The following JADE3 variants were observed in gnomAD, a reference collection of about 807,000 sequenced individuals.
JADE3 encodes protein Jade-3.
In JADE3, 2 loss-of-function variants were observed where a neutral mutation model predicts 50.1. That is an observed-to-expected ratio of 0.04 (90% CI 0.02 to 0.13). The LOEUF (loss-of-function observed/expected upper bound fraction) is 0.13. Ranked by LOEUF, JADE3 falls within the 10% of genes least tolerant of loss-of-function variation. The probability of loss-of-function intolerance (pLI) is 1.00; values close to 1 mark genes in which losing one functional copy is unlikely to be tolerated. For missense variants in JADE3, 475 were observed against 634.4 expected (o/e 0.75, Z 2.70); for synonymous variants, 218 against 232.9 (o/e 0.94, Z 0.58).
intron 4 of JADE3, among the ~76,000 whole-genome samples, chrX:47,018,585 C>T (rs1025231585): frequency 1.8e-5 from 2 of 112,032 alleles, no homozygotes; most frequent in Admixed American, 9.5e-5. Flanking sequence ...CCACCCGCCT[C>T]GGCCTCCCAA....
chrX:47,019,004 C>G (rs1928736807), intron 4 of JADE3, among the ~76,000 whole-genome samples: 1 of 112,046 alleles, frequency 8.9e-6, no homozygotes, highest in Non-Finnish European at 1.9e-5. Context: ...ACAACCTCAG[C>G]ATAGTCAGAT....
chrX:47,023,948 G>A (rs1928851988), intron 4 of JADE3, among the ~76,000 whole-genome samples: 1 of 112,292 alleles, frequency 8.9e-6, no homozygotes, highest in South Asian at 3.7e-4. Context: ...GTAATAGCCT[G>A]AGATCACCAT....
rs782611848 is a variant in JADE3 at position 46,952,855 on chromosome X, G to A, written c.-11-32029G>A. Among the ~76,000 whole-genome samples the A allele has an allele frequency of 5.4e-5, 6 of 111,024 alleles. No individual in the cohort carries two copies. The East Asian group carries it at 8.5e-4, about 16-fold the overall frequency. On this transcript the variant is annotated intron_variant, in intron 1 of 10. Transcript: ENST00000614628. ...TCTACTGAAAATATAAAATTTAGCC[G>A]GGCATGGTGGTGTGTGCCTGTAATC...
At chrX:47,057,042 G>A (rs1349206822) in intron 10 of JADE3, among the ~76,000 whole-genome samples, 1 of 112,016 alleles carries the variant, frequency 8.9e-6, no homozygotes, top group Non-Finnish European at 1.9e-5. Flanking sequence ...GCAGGAGGCA[G>A]CAAGACTGCT....
intron 1 of JADE3, among the ~76,000 whole-genome samples, chrX:46,956,287 A>G (rs1927113093): frequency 9.1e-6 from 1 of 110,356 alleles, no homozygotes; most frequent in Non-Finnish European, 1.9e-5. Context: ...CTGGCCTTGA[A>G]CTCGTGACCT....
At chrX:47,002,805 T>C (rs1373548691) in intron 4 of JADE3, among the ~76,000 whole-genome samples, 1 of 111,768 alleles carries the variant, frequency 8.9e-6, no homozygotes, top group Non-Finnish European at 1.9e-5. Context: ...TCTTGCCTTA[T>C]TCTAGTAGCT....
At chrX:46,980,946 A>C (rs1443877833) in intron 1 of JADE3, among the ~76,000 whole-genome samples, 1 of 111,639 alleles carries the variant, frequency 9.0e-6, no homozygotes, top group East Asian at 2.8e-4. Flanking sequence ...GCAGAACAGA[A>C]GGGTCAGAGA....
intron 4 of JADE3, among the ~76,000 whole-genome samples, chrX:47,006,213 A>C (rs992680136): frequency 9.0e-6 from 1 of 111,264 alleles, no homozygotes; most frequent in African/African-American, 3.3e-5. Context: ...ATTATTGGCA[A>C]TTTTTGTATT....
intron 1 of JADE3, among the ~76,000 whole-genome samples, chrX:46,949,173 A>G (rs1926949259): frequency 9.0e-6 from 1 of 110,777 alleles, no homozygotes; most frequent in South Asian, 3.9e-4. Context: ...TCCTGGGCTT[A>G]AGTGATCTGC....
At chrX:47,046,682 A>G (rs1312701945) in intron 8 of JADE3, among the ~76,000 whole-genome samples, 1 of 112,279 alleles carries the variant, frequency 8.9e-6, no homozygotes, top group Non-Finnish European at 1.9e-5. Context: ...ATCATTCACC[A>G]TGACCAGTTT....
rs782634151 is a variant in JADE3 at position 47,027,861 on chromosome X, G to A, written c.476-31G>A. On this transcript the variant is annotated intron_variant, in intron 5 of 10. Transcript: ENST00000614628. The stretch of plus-strand genomic sequence containing the variant: ...GTTTTGGGAATGACAGCTGACTGAT[G>A]GGTTGATTGATTGTTTGTATTTCTG... 5 of 1,149,834 alleles carry A rather than the reference G, an allele frequency of 4.3e-6. No individual in the cohort carries two copies. The South Asian group carries it at 7.3e-5, about 17-fold the overall frequency. The allele number at this position is 1,149,834 out of a possible 1,213,427, so 94.8% of individuals were successfully genotyped here. A position where few individuals can be genotyped will look rare whatever the true frequency, so the allele number is the denominator to read the frequency against.
chrX:47,033,864 G>T, intron 7 of JADE3, 76 bp downstream of exon 7: 11 of 871,414 alleles, frequency 1.3e-5, no homozygotes, highest in Non-Finnish European at 1.7e-5. Context: ...GACTGACTCA[G>T]GCTCAGTATG....
At chrX:47,052,973 T>C (rs1188205286) in intron 8 of JADE3, among the ~76,000 whole-genome samples, 5 of 110,493 alleles carry the variant, frequency 4.5e-5, no homozygotes, top group Non-Finnish European at 7.6e-5. Flanking sequence ...GGAGAATTGC[T>C]TGAACCTGGG....
At chrX:47,022,388 A>G (rs1928814689) in intron 4 of JADE3, among the ~76,000 whole-genome samples, 1 of 110,433 alleles carries the variant, frequency 9.1e-6, no homozygotes, top group South Asian at 3.8e-4. Flanking sequence ...GGCTTTAAAA[A>G]CTCCATATAG....
chrX:46,947,578 G>A (rs1282173431), intron 1 of JADE3, among the ~76,000 whole-genome samples: 1 of 111,634 alleles, frequency 9.0e-6, no homozygotes, highest in African/African-American at 3.3e-5. Context: ...GAAGTCAGAC[G>A]TAACTGTTTT....
chrX:47,056,230 A>G (rs782025062), intron 10 of JADE3, 31 bp downstream of exon 10: 3 of 758,126 alleles, frequency 4.0e-6, no homozygotes, highest in South Asian at 2.2e-5. Context: ...GTCCTAACAA[A>G]TATGTAGACT....
At chrX:46,986,034 A>G (rs1040439600) in intron 3 of JADE3, among the ~76,000 whole-genome samples, 72 of 110,687 alleles carry the variant, frequency 6.5e-4, no homozygotes, top group African/African-American at 2.3e-3. Flanking sequence ...ACCTCCTCCC[A>G]TTCTCTCTTG....
At chrX:47,046,459 G>T (rs888604337) in intron 8 of JADE3, among the ~76,000 whole-genome samples, 9 of 111,811 alleles carry the variant, frequency 8.0e-5, no homozygotes, top group Admixed American at 4.8e-4. Flanking sequence ...ATTTAAAGAA[G>T]AACTAGTACC....
At chrX:46,928,710 A>C (rs1376064411) in intron 1 of JADE3, among the ~76,000 whole-genome samples, 1 of 111,798 alleles carries the variant, frequency 8.9e-6, no homozygotes, top group African/African-American at 3.3e-5. Flanking sequence ...CAGCTTCCTG[A>C]GTAGCTAGGA....
Sources: gnomAD v4.1 joint callset for allele counts (sites outside exome capture counted in the v4.1 genomes callset) on GRCh38, gnomAD v4.1.1 for gene constraint, MANE v1.5 for transcripts, NCBI Gene and HGNC (gene_info 2026-07-23, HGNC 2026-07-21) for gene names.